Variants in BMPR2 observed in about 807,000 individuals in gnomAD.
BMPR2 encodes the protein bone morphogenetic protein receptor type 2.
Under a neutral mutation model 100.8 loss-of-function variants are expected in BMPR2, and 29 were observed. The observed-to-expected ratio is 0.29, with a 90% CI of 0.21 to 0.39. The LOEUF (loss-of-function observed/expected upper bound fraction) is 0.39, where lower values mean the gene tolerates loss of function less well. BMPR2 is among the 10% of genes least tolerant of loss of function. BMPR2 has a pLI of 1.00. For missense variants in BMPR2, 1,011 were observed against 1,274.5 expected, an observed-to-expected ratio of 0.79 and a Z score of 3.15; for synonymous variants, 382 against 442.3, an observed-to-expected ratio of 0.86 and a Z score of 1.71.
rs182932652 is a variant in BMPR2, at chr2:202,442,510, A to G, written c.77-22299A>G. ...TCAAGTATATAGTACAATATTGCCA[A>G]CAACATGCACATTGTTATGCAACAG... is the stretch of plus-strand genomic sequence containing the variant. On this transcript the variant is annotated intron_variant, in intron 1 of 12. Coordinates refer to ENST00000374580, the MANE Select transcript of BMPR2 (RefSeq NM_001204.7). Among the ~76,000 whole-genome samples, 37 of 150,580 alleles carry G rather than the reference A, an allele frequency of 2.5e-4. 3 individuals carry two copies. Among genetic ancestry groups the G allele is most frequent in the African/African-American group, 9.3e-4 (37 of 39,912 alleles).
At chr2:202,431,557 T>C (rs1291492488) in intron 1 of BMPR2, among the ~76,000 whole-genome samples, 4 of 150,708 alleles carry the variant, frequency 2.7e-5, no homozygotes, top group African/African-American at 5.0e-5. Context: ...GCAGACCTAA[T>C]GAATATATGA....
chr2:202,450,501 G>A (rs1451672347), intron 1 of BMPR2, among the ~76,000 whole-genome samples: 4 of 152,070 alleles, frequency 2.6e-5, no homozygotes, highest in Non-Finnish European at 5.9e-5. Context: ...AGACCAGCCT[G>A]ACCAACATGG....
At chr2:202,539,465 G>C (rs1328500483) in intron 9 of BMPR2, among the ~76,000 whole-genome samples, 2 of 151,750 alleles carry the variant, frequency 1.3e-5, no homozygotes, top group Non-Finnish European at 1.5e-5. Flanking sequence ...AAAGAAAAAA[G>C]GATCATATAA....
At chr2:202,526,695 A>C (rs1435630553) in intron 7 of BMPR2, among the ~76,000 whole-genome samples, 1 of 152,240 alleles carries the variant, frequency 6.6e-6, no homozygotes, top group Non-Finnish European at 1.5e-5. Context: ...GCAAGGTTTC[A>C]AGTCAAATGT....
chr2:202,544,957 T>TCG lies in BMPR2; in HGVS notation c.1413+2512_1413+2513dup, dbSNP rs371479079. On this transcript the variant is annotated intron_variant, in intron 10 of 12. Transcript: ENST00000374580. Reference sequence around the variant, plus strand: ...TTAAATTTTTGGTAGAGACAGGGTCTCGCTTTGTTTCCCAGGCTGGTCTCA... The same window carrying TCG: ...TTAAATTTTTGGTAGAGACAGGGTCTCGCGCTTTGTTTCCCAGGCTGGTCTCA... Among the ~76,000 whole-genome samples, 49 of 151,858 alleles carry TCG rather than the reference T, an allele frequency of 3.2e-4. 1 individual carries two copies. Among genetic ancestry groups the TCG allele is most frequent in the Admixed American group, 8.5e-4 (13 of 15,238 alleles).
intron 1 of BMPR2, among the ~76,000 whole-genome samples, chr2:202,449,929 A>C (rs527378246): frequency 6.6e-6 from 1 of 152,058 alleles, no homozygotes; most frequent in South Asian, 2.1e-4. Context: ...CACGTGGTGA[A>C]TCCCCATCTC....
At chr2:202,502,463 T>G (rs1687414200) in intron 3 of BMPR2, among the ~76,000 whole-genome samples, 2 of 151,408 alleles carry the variant, frequency 1.3e-5, no homozygotes, top group African/African-American at 4.9e-5. Flanking sequence ...AAGAAGAAGT[T>G]GAAGAGAAAG....
chr2:202,532,920 T>TA lies in BMPR2; in HGVS notation c.1276+189dup, dbSNP rs926107286. On this transcript the variant is annotated intron_variant, in intron 9 of 12. Transcript: ENST00000374580. This position sits in a 1 kb window ranked among gnomAD's most constrained non-coding sequence, Gnocchi z 4.1. ...GATGCAAATTAGGAATTTTTTTTTT[T>TA]AGAGTACTCCAGGTTTTCATCTGAG... Among the ~76,000 whole-genome samples, 4 of 152,138 alleles carry TA rather than the reference T, an allele frequency of 2.6e-5. No homozygotes were observed. The highest frequency in any genetic ancestry group is 4.4e-5 in the Non-Finnish European group (3 of 68,024).
intron 1 of BMPR2, among the ~76,000 whole-genome samples, chr2:202,390,869 CT>C (rs1216834798): frequency 6.7e-6 from 1 of 149,290 alleles, no homozygotes. Context: ...ATATAAATGA[CT>C]TTATGCAATT....
chr2:202,427,358 CAAAAAAAAA>C (rs397872093), intron 1 of BMPR2, among the ~76,000 whole-genome samples: 2 of 78,860 alleles, frequency 2.5e-5, no homozygotes, highest in African/African-American at 5.0e-5. Flanking sequence ...GACCCTGGCT[CAAAAAAAAA>C]AAAAAAAAAA....
In BMPR2 at chr2:202,452,751, C is replaced by T. The variant is rs181337923; in HGVS notation, c.77-12058C>T. 5.0e-3 allele frequency among the ~76,000 whole-genome samples: 764 copies of T among 152,292 alleles called. 4 individuals are homozygous for T. The highest frequency in any genetic ancestry group is 6.5e-3 in the Non-Finnish European group (445 of 68,032). On this transcript the variant is annotated intron_variant, in intron 1 of 12. Transcript: ENST00000374580. The stretch of plus-strand genomic sequence containing the variant: ...CATGTGCTTAAAACACAATGGTGAA[C>T]AAGGACTCAGCCCCTGCTCTTATTT...
chr2:202,471,886 C>G (rs1447948012), intron 3 of BMPR2, among the ~76,000 whole-genome samples: 3 of 151,330 alleles, frequency 2.0e-5, no homozygotes, highest in Admixed American at 6.6e-5. Flanking sequence ...GACCATGATT[C>G]TACTGTGTAT....
chr2:202,474,318 T>C (rs1277580261), intron 3 of BMPR2, among the ~76,000 whole-genome samples: 1 of 151,246 alleles, frequency 6.6e-6, no homozygotes, highest in African/African-American at 2.4e-5. Flanking sequence ...TAGCCAGGTG[T>C]GGTGGCATGT....
intron 9 of BMPR2, among the ~76,000 whole-genome samples, chr2:202,540,289 T>A (rs1688247382): frequency 6.6e-6 from 1 of 152,194 alleles, no homozygotes; most frequent in African/African-American, 2.4e-5. Flanking sequence ...TGTGTGTATG[T>A]CTCAGAGACA....
chr2:202,547,126 A>T (rs1203456032), intron 10 of BMPR2, among the ~76,000 whole-genome samples: 1 of 152,156 alleles, frequency 6.6e-6, no homozygotes, highest in Non-Finnish European at 1.5e-5. Context: ...GGTAAAATAA[A>T]AAATTATAGG....
chr2:202,467,747 TA>T (rs1692356651), intron 3 of BMPR2, 58 bp downstream of exon 3: 4 of 1,516,982 alleles, frequency 2.6e-6, no homozygotes, highest in East Asian at 2.3e-5. Context: ...TTGCAAAATA[TA>T]AAAAAACTTA....
chr2:202,487,836 G>T (rs1005231558), intron 3 of BMPR2, among the ~76,000 whole-genome samples: 1 of 152,138 alleles, frequency 6.6e-6, no homozygotes, highest in Non-Finnish European at 1.5e-5. Context: ...CCACCCTCAA[G>T]ATTTTTTTAC....
At chr2:202,533,749 G>A (rs1312861154) in intron 9 of BMPR2, among the ~76,000 whole-genome samples, 1 of 152,158 alleles carries the variant, frequency 6.6e-6, no homozygotes, top group Non-Finnish European at 1.5e-5. Flanking sequence ...CTTGAACCCA[G>A]TAGGCGGAGG....
chr2:202,464,739 A>T (rs1428515754), intron 1 of BMPR2, 70 bp from the exon 2 acceptor site: 2 of 1,406,064 alleles, frequency 1.4e-6, no homozygotes, highest in Non-Finnish European at 1.9e-6. Context: ...CATTCGGATA[A>T]GACAAAGATT....
Sources: gnomAD v4.1 joint callset for allele counts (sites outside exome capture counted in the v4.1 genomes callset) on GRCh38, gnomAD v4.1.1 for gene constraint, Gnocchi (gnomAD v3.1) non-coding constraint, MANE v1.5 for transcripts, NCBI Gene and HGNC (gene_info 2026-07-23, HGNC 2026-07-21) for gene names.